GPLD1: variants seen among roughly 807,000 people sequenced by gnomAD.
The protein encoded by GPLD1 is glycosylphosphatidylinositol specific phospholipase D1.
Under a neutral mutation model 112.6 loss-of-function variants are expected in GPLD1, and 84 were observed. That is an observed-to-expected ratio of 0.75 (90% confidence interval 0.63 to 0.89). GPLD1 has a LOEUF of 0.89. Among genes scored for constraint, GPLD1 ranks in the 40% least tolerant of loss-of-function variants. The pLI is 0.00. For missense variants in GPLD1, 1,044 were observed against 1,051.5 expected (o/e 0.99, Z 0.10); for synonymous variants, 386 against 403.8 (o/e 0.96, Z 0.53).
intron 10 of GPLD1, among the ~76,000 whole-genome samples, chr6:24,465,311 G>A (rs1192220333): frequency 3.9e-5 from 6 of 151,972 alleles, no homozygotes; most frequent in East Asian, 3.9e-4. Context: ...AGTCTGAGGC[G>A]GGTGGATCAC....
intron 15 of GPLD1, among the ~76,000 whole-genome samples, chr6:24,449,206 T>C (rs1379213237): frequency 1.3e-5 from 2 of 151,896 alleles, no homozygotes; most frequent in Non-Finnish European, 2.9e-5. Context: ...ACTGCTGGCA[T>C]GTCTAGAAAT....
Position 24,483,096 on chromosome 6 carries a change from C to T in GPLD1, c.153+2979G>A, listed in dbSNP as rs552746343. Among the ~76,000 whole-genome samples the T allele has an allele frequency of 2.2e-4, 33 of 151,586 alleles. No individual in the cohort carries two copies. In the South Asian group the frequency reaches 5.6e-3, roughly 26 times the overall value. On this transcript the variant is annotated intron_variant, in intron 2 of 24. Coordinates refer to ENST00000230036, the MANE Select transcript of GPLD1 (RefSeq NM_001503.4). ...TTATCCCAGCACTTTGGGAGGCTGA[C>T]GCGGGCGGATCACTCGAGGTCAGGA...
At chr6:24,492,133 T>TA (rs1369132227), upstream of GPLD1, among the ~76,000 whole-genome samples, 2 of 152,102 alleles carry the variant, frequency 1.3e-5, no homozygotes, top group African/African-American at 4.8e-5. Context: ...AACATACAGT[T>TA]ACATTAAGGA....
At chr6:24,455,313 G>C (rs1203304470) in intron 13 of GPLD1, among the ~76,000 whole-genome samples, 1 of 152,196 alleles carries the variant, frequency 6.6e-6, no homozygotes, top group East Asian at 1.9e-4. Context: ...ATACACACAA[G>C]TGAACGACCA....
chr6:24,438,785 C>CT (rs200314335), intron 20 of GPLD1, among the ~76,000 whole-genome samples: 19,021 of 150,510 alleles, frequency 0.13, 1,354 homozygotes, highest in East Asian at 0.16. Flanking sequence ...ATCTTCATTC[C>CT]TTTTTCTTTT....
chr6:24,431,305 T>C (rs972283284), intron 24 of GPLD1, among the ~76,000 whole-genome samples: 2 of 151,964 alleles, frequency 1.3e-5, no homozygotes, highest in Non-Finnish European at 2.9e-5. Flanking sequence ...GACCTGGTTA[T>C]ATATATAAAT....
intron 22 of GPLD1, among the ~76,000 whole-genome samples, chr6:24,434,141 T>C (rs1458615838): frequency 6.6e-6 from 1 of 152,128 alleles, no homozygotes; most frequent in Non-Finnish European, 1.5e-5. Context: ...CTCACACCTA[T>C]AATCCCAGCA....
At chr6:24,440,111 A>G (rs1309929164) in intron 20 of GPLD1, among the ~76,000 whole-genome samples, 3 of 152,224 alleles carry the variant, frequency 2.0e-5, no homozygotes, top group African/African-American at 7.2e-5. Context: ...CTTGAAAACC[A>G]CAGGAAAGAG....
chr6:24,437,402 G>A (rs948323007), intron 20 of GPLD1, 113 bp from the exon 21 acceptor site: 15 of 1,014,548 alleles, frequency 1.5e-5, no homozygotes, highest in South Asian at 9.3e-5. Context: ...CAGGACAGTC[G>A]GTTTCGGAGC....
At chr6:24,477,705 G>A (rs1409539526) in intron 3 of GPLD1, among the ~76,000 whole-genome samples, 2 of 152,076 alleles carry the variant, frequency 1.3e-5, no homozygotes, top group African/African-American at 4.8e-5. Flanking sequence ...ACCCCAGCCT[G>A]GGCAACAGAG....
upstream of GPLD1, among the ~76,000 whole-genome samples, chr6:24,493,259 T>A (rs2127377401): frequency 6.6e-6 from 1 of 152,232 alleles, no homozygotes; most frequent in Non-Finnish European, 1.5e-5. Context: ...GCGGATAACT[T>A]GAGGTCAGGC....
chr6:24,458,090 C>T (rs138437690), intron 12 of GPLD1, among the ~76,000 whole-genome samples: 108 of 151,022 alleles, frequency 7.2e-4, no homozygotes, highest in Admixed American at 1.4e-3. Flanking sequence ...ACAAGCTGGC[C>T]AGATACTAGA....
chr6:24,437,319 C>A, intron 20 of GPLD1, 30 bp from the exon 21 acceptor site: 1 of 1,603,080 alleles, frequency 6.2e-7, no homozygotes, highest in Non-Finnish European at 8.5e-7. Context: ...CTGCTGGCCT[C>A]ACAGAAAGGA....
chr6:24,476,101 A>G, intron 4 of GPLD1, 80 bp downstream of exon 4: 7 of 755,306 alleles, frequency 9.3e-6, no homozygotes, highest in Non-Finnish European at 1.6e-5. Context: ...GAGCGGTACA[A>G]ATGGGGTCAA....
intron 7 of GPLD1, among the ~76,000 whole-genome samples, chr6:24,467,577 A>G (rs929805632): frequency 7.9e-5 from 12 of 152,184 alleles, no homozygotes; most frequent in Non-Finnish European, 1.5e-4. Context: ...ATTGGAAACT[A>G]ACTATAACGT....
intron 3 of GPLD1, among the ~76,000 whole-genome samples, chr6:24,476,861 C>G (rs1561854613): frequency 6.6e-6 from 1 of 152,098 alleles, no homozygotes; most frequent in Non-Finnish European, 1.5e-5. Context: ...AAAGACAGAA[C>G]TGGCCTCTGT....
At chr6:24,433,155 A>G in intron 24 of GPLD1, 32 bp downstream of exon 24, 1 of 1,481,122 alleles carries the variant, frequency 6.8e-7, no homozygotes, top group African/African-American at 1.4e-5. Flanking sequence ...GTACTAACAT[A>G]AACATCAATG....
intron 20 of GPLD1, among the ~76,000 whole-genome samples, chr6:24,441,346 G>C (rs1762741614): frequency 6.6e-6 from 1 of 151,314 alleles, no homozygotes; most frequent in African/African-American, 2.4e-5. Context: ...CTCAAATTTA[G>C]ATTAATCTGT....
chr6:24,445,611 G>C lies in GPLD1; in HGVS notation c.1955C>G (p.Ser652Cys). The C allele has an allele frequency of 6.2e-7, 1 of 1,613,904 alleles. No individual in the cohort carries two copies. The highest frequency in any genetic ancestry group is 8.5e-7 in the Non-Finnish European group (1 of 1,179,832). ...CCCATTCATCAGTACGTGGCCACTG[G>C]AAAGGGAAGTACCCAGTTTCCCCAT... Reference protein sequence around the residue: ...KAMGKLGTSLSSGHVLMNGTL... With the variant: ...KAMGKLGTSLCSGHVLMNGTL... The change falls in exon 20 of 25, where the codon TCC (serine) becomes TGC (cysteine). Residue 652 changes from serine (S) to cysteine (C), a missense_variant. By Grantham distance (112) the Ser-to-Cys change is moderately radical. Coordinates refer to ENST00000230036, the MANE Select transcript of GPLD1 (RefSeq NM_001503.4).
Sources: gnomAD v4.1 joint callset for allele counts (sites outside exome capture counted in the v4.1 genomes callset) on GRCh38, gnomAD v4.1.1 for gene constraint, MANE v1.5 for transcripts, NCBI Gene and HGNC (gene_info 2026-07-23, HGNC 2026-07-21) for gene names.